Variants in AHNAK2 observed in about 807,000 individuals in gnomAD.
The protein encoded by AHNAK2 is AHNAK nucleoprotein 2.
Under a neutral mutation model 30.7 loss-of-function variants are expected in AHNAK2, and 18 were observed. The observed-to-expected ratio is 0.59, with a 90% CI of 0.41 to 0.87. The LOEUF is 0.87. Ranked by LOEUF, AHNAK2 falls within the 40% of genes least tolerant of loss-of-function variation. The probability of loss-of-function intolerance (pLI) is 0.00; values close to 1 mark genes in which losing one functional copy is unlikely to be tolerated. For missense variants in AHNAK2, 8,604 were observed against 7,373.0 expected (o/e 1.17, Z -6.11); for synonymous variants, 3,590 against 3,073.8 (o/e 1.17, Z -5.56).
chr14:104,960,983 T>C lies in AHNAK2; in HGVS notation c.56-3311A>G, dbSNP rs142683176. Among the ~76,000 whole-genome samples, 1,241 of 151,632 alleles carry C rather than the reference T, an allele frequency of 8.2e-3. 19 individuals carry two copies. The highest frequency in any genetic ancestry group is 0.029 in the African/African-American group (1,187 of 41,302). ...CCCTCTCTACTAAAAATACAAACAT[T>C]AGCTGGGCAGGGTGGTGCACGTCTG... On this transcript the variant is annotated intron_variant, in intron 1 of 6. Coordinates refer to ENST00000333244, the MANE Select transcript of AHNAK2 (RefSeq NM_138420.4).
At position 104,940,121 on chromosome 14, in the gene AHNAK2, C is replaced by T; in HGVS notation, c.15330G>A (p.Lys5110=). The T allele has an allele frequency of 6.2e-7, 1 of 1,613,328 alleles. No homozygotes were observed. The highest frequency in any genetic ancestry group is 8.5e-7 in the Non-Finnish European group (1 of 1,179,894). ...CAGCTTCAGGCTGGCTCACCTCCAC[C>T]TTGGCCTTGGAGGATCTGAGATCAG... ...AKPDLRSSKA[K]VEVSQPEADL... The change falls in exon 7 of 7, where the codon AAG becomes AAA. Residue 5110 remains lysine (K), a synonymous_variant. Transcript: ENST00000333244. The surrounding 1 kb of genome is among the most constrained non-coding windows in gnomAD (Gnocchi z 4.4).
rs751095631 is a variant in AHNAK2, at chr14:104,957,514, G to A, written c.115-6C>T. 22 of 1,595,148 alleles carry A rather than the reference G, an allele frequency of 1.4e-5. No homozygotes were observed. The African/African-American group carries it at 1.7e-4, about 13-fold the overall frequency. ...TCCGCAGGCCCTTCAGTCACCTGAC[G>A]GGAGAGAATCCAGTTATTTTTGCCA... On this transcript the variant is annotated splice_region_variant and splice_polypyrimidine_tract_variant and intron_variant, in intron 2 of 6. Coordinates refer to ENST00000333244, the MANE Select transcript of AHNAK2 (RefSeq NM_138420.4).
chr14:104,956,188 G>A (rs1429356799), intron 4 of AHNAK2, among the ~76,000 whole-genome samples: 1 of 152,204 alleles, frequency 6.6e-6, no homozygotes, highest in East Asian at 1.9e-4. Context: ...TCATCATTGG[G>A]TGCTAGCAGA....
At chr14:104,957,025 G>GC (rs1898996894) in intron 3 of AHNAK2, among the ~76,000 whole-genome samples, 1 of 152,214 alleles carries the variant, frequency 6.6e-6, no homozygotes, top group Admixed American at 6.5e-5. Flanking sequence ...TCATAGACAT[G>GC]CCTCCTCTGA....
chr14:104,971,508 CCAAA>C (rs1566927023), intron 1 of AHNAK2, among the ~76,000 whole-genome samples: 1 of 152,114 alleles, frequency 6.6e-6, no homozygotes, highest in South Asian at 2.1e-4. Context: ...CCTCAGCCTC[CCAAA>C]CTGCTGGGAT....
chr14:104,948,547 C>T lies in AHNAK2; in HGVS notation c.6904G>A (p.Gly2302Arg), dbSNP rs371460494. The T allele has an allele frequency of 4.3e-6, 7 of 1,612,288 alleles. No individual in the cohort carries two copies. The highest frequency in any genetic ancestry group is 5.9e-6 in the Non-Finnish European group (7 of 1,179,708). Reference protein sequence around the residue: ...GAKLDGARLEGDMSLADKDVT... With the variant: ...GAKLDGARLERDMSLADKDVT... ...TCCTTGTCGGCCAGGGACATGTCCC[C>T]CTCCAGCCGCGCACCATCCAGCTTG... Residue 2302 changes from glycine (G) to arginine (R), a missense_variant, in exon 7 of 7, where the codon GGG (glycine) becomes AGG (arginine). Transcript: ENST00000333244.
Position 104,954,303 on chromosome 14 carries a change from T to G in AHNAK2, c.1148A>C (p.Gln383Pro). The G allele has an allele frequency of 1.2e-6, 2 of 1,613,622 alleles. No homozygotes were observed. Among genetic ancestry groups the G allele is most frequent in the Non-Finnish European group, 1.7e-6 (2 of 1,179,896 alleles). ...TGSRREERAE[Q>P]DREVMPAQSM... is the part of the protein sequence containing the mutation. ...CTGAGCAGGCATCACTTCTCGATCC[T>G]GTTCTGCCCTCTCCTCTCTCCTGCT... The change falls in exon 7 of 7, where the codon CAG becomes CCG. Residue 383 changes from glutamine to proline, a missense_variant. Physicochemically the swap from Gln to Pro is moderately conservative, Grantham distance 76. Transcript: ENST00000333244. The surrounding 1 kb of genome is among the most constrained non-coding windows in gnomAD (Gnocchi z 4.3).
Position 104,939,129 on chromosome 14 carries a change from GCACCTGCCTTCA to G in AHNAK2, c.16310_16321del (p.Leu5437_Ala5441delinsPro). On this transcript the variant is annotated inframe_deletion, in exon 7 of 7. Transcript: ENST00000333244. Reference sequence around the variant, plus strand: ...CACAGGCTGCTCCCCAGGGACCCCAGCACCTGCCTTCAGGATGCTGGCTCCCCAGAGCCCCGG... The same window carrying G: ...CACAGGCTGCTCCCCAGGGACCCCAGGGATGCTGGCTCCCCAGAGCCCCGG... The G allele has an allele frequency of 6.2e-7, 1 of 1,609,610 alleles. No individual in the cohort carries two copies. The highest frequency in any genetic ancestry group is 8.5e-7 in the Non-Finnish European group (1 of 1,178,200).
rs1299694410 is a variant in AHNAK2 at position 104,948,444 on chromosome 14, G to A, written c.7007C>T (p.Ser2336Phe). 1 of 1,610,890 alleles carries A rather than the reference G, an allele frequency of 6.2e-7. No individual in the cohort carries two copies. The highest frequency in any genetic ancestry group is 1.7e-5 in the Admixed American group (1 of 59,838). Reference protein sequence around the residue: ...LSFGVSALGKSIEASADVSAL... With the variant: ...LSFGVSALGKFIEASADVSAL... ...AGACACATCCGCTGAGGCCTCGATG[G>A]ACTTGCCAAGGGCAGACACCCCAAA... The change falls in exon 7 of 7, where the codon TCC (serine) becomes TTC (phenylalanine). Residue 2336 changes from serine to phenylalanine, a missense_variant. By Grantham distance (155) the Ser-to-Phe change is radical. Coordinates refer to ENST00000333244, the MANE Select transcript of AHNAK2 (RefSeq NM_138420.4).
rs768158999 is a variant in AHNAK2, at chr14:104,948,850, G to A, written c.6601C>T (p.Leu2201Phe). 2 of 1,611,912 alleles carry A rather than the reference G, an allele frequency of 1.2e-6. No individual in the cohort carries two copies. Among genetic ancestry groups the A allele is most frequent in the South Asian group, 2.2e-5 (2 of 90,954 alleles). Reference protein sequence around the residue: ...SMQGDLKTTDLSIQPLSADVK... With the variant: ...SMQGDLKTTDFSIQPLSADVK... ...TCGGCGGAAAGGGGCTGAATGCTGA[G>A]GTCAGTGGTCTTGAGGTCCCCCTGC... Residue 2201 changes from leucine to phenylalanine, a missense_variant, in exon 7 of 7, where the codon CTC (leucine) becomes TTC (phenylalanine). Transcript: ENST00000333244.
rs777241776 is a variant in AHNAK2 at position 104,945,200 on chromosome 14, C to T, written c.10251G>A (p.Lys3417=). The T allele has an allele frequency of 6.2e-7, 1 of 1,613,246 alleles. No homozygotes were observed. Among genetic ancestry groups the T allele is most frequent in the East Asian group, 2.2e-5 (1 of 44,774 alleles). ...CCGCCTTGGGGACTTTTAGGTCCAG[C>T]TTGGGGCCCTTGATGTCCACCTGGG... ...KSPQVDIKGP[K]LDLKVPKAEV... is the part of the protein sequence containing the mutation. Residue 3417 remains lysine (K), a synonymous_variant, in exon 7 of 7, where the codon AAG becomes AAA. Transcript: ENST00000333244.
At position 104,953,536 on chromosome 14, in the gene AHNAK2, T is replaced by C. The variant is rs1319343856; in HGVS notation, c.1915A>G (p.Ser639Gly). 1 of 1,614,054 alleles carries C rather than the reference T, an allele frequency of 6.2e-7. No homozygotes were observed. Among genetic ancestry groups the C allele is most frequent in the East Asian group, 2.2e-5 (1 of 44,892 alleles). The change falls in exon 7 of 7, where the codon AGT becomes GGT. Residue 639 changes from serine (S) to glycine (G), a missense_variant. Coordinates refer to ENST00000333244, the MANE Select transcript of AHNAK2 (RefSeq NM_138420.4). The stretch of plus-strand genomic sequence containing the variant: ...TTTGTTGTGTTTGTCATTGAGTCAC[T>C]GTCTTCTTTGTCTTTTAATCCTTCC... ...TEEGLKDKEDSDSMTNTTKIQ... is the reference protein window; with the variant it reads ...TEEGLKDKEDGDSMTNTTKIQ...
Position 104,949,857 on chromosome 14 carries a change from TC to T in AHNAK2, c.5593del (p.Asp1865ThrfsTer25). ...AEVSLPSMQG[D>X]LKTTDLCIPL... ...AATGCAGAGGTCCGTGGTCTTGAGGTCCCCCTGCATGGAGGGGAGGCTCACT... is the reference window on the plus strand; with the variant it reads ...AATGCAGAGGTCCGTGGTCTTGAGGTCCCCTGCATGGAGGGGAGGCTCACT... On this transcript the variant is annotated frameshift_variant, in exon 7 of 7. Transcript: ENST00000333244. LOFTEE classifies it low-confidence loss of function (END_TRUNC). 6.3e-7 allele frequency: 1 copy of T among 1,587,062 alleles called. No individual in the cohort carries two copies. The highest frequency in any genetic ancestry group is 2.2e-5 in the East Asian group (1 of 44,696).
Position 104,943,610 on chromosome 14 carries a change from A to C in AHNAK2, c.11841T>G (p.Gly3947=), listed in dbSNP as rs751237480. The change falls in exon 7 of 7, where the codon GGT becomes GGG. Residue 3947 remains glycine (G), a synonymous_variant. Transcript: ENST00000333244. ...GGGACAGGTCCCCCTCCAGCCGCGC[A>C]CCATCCAGCTTGGCTCCTGGGGCCT... ...DVEAPGAKLD[G]ARLEGDLSLA... is the part of the protein sequence containing the mutation. 17 of 1,612,862 alleles carry C rather than the reference A, an allele frequency of 1.1e-5. No individual in the cohort carries two copies. The African/African-American group carries it at 2.3e-4, about 22-fold the overall frequency.
At position 104,948,439 on chromosome 14, in the gene AHNAK2, C is replaced by G. The variant is rs369341222; in HGVS notation, c.7012G>C (p.Glu2338Gln). Reference sequence around the variant, plus strand: ...AACGCAGACACATCCGCTGAGGCCTCGATGGACTTGCCAAGGGCAGACACC... The same window carrying G: ...AACGCAGACACATCCGCTGAGGCCTGGATGGACTTGCCAAGGGCAGACACC... ...FGVSALGKSI[E>Q]ASADVSALKV... Residue 2338 changes from glutamate (E) to glutamine (Q), a missense_variant, in exon 7 of 7, where the codon GAG (glutamate) becomes CAG (glutamine). Glu to Gln is a conservative substitution (Grantham distance 29). Transcript: ENST00000333244. 1.2e-6 allele frequency: 2 copies of G among 1,609,744 alleles called. No individual in the cohort carries two copies. Among genetic ancestry groups the G allele is most frequent in the Admixed American group, 1.7e-5 (1 of 59,776 alleles).
rs754925754 is a variant in AHNAK2, at chr14:104,947,834, G to T, written c.7617C>A (p.Asp2539Glu). ...CCACTTGGCCAGCCTGGACCTCCAGGTCAGCGGAAGGGGGCTGAATGCTGA... is the reference window on the plus strand; with the variant it reads ...CCACTTGGCCAGCCTGGACCTCCAGTTCAGCGGAAGGGGGCTGAATGCTGA... Reference protein sequence around the residue: ...TDLSIQPPSADLEVQAGQVDV... With the variant: ...TDLSIQPPSAELEVQAGQVDV... Residue 2539 changes from aspartate (D) to glutamate (E), a missense_variant, in exon 7 of 7, where the codon GAC becomes GAA. By Grantham distance (45) the Asp-to-Glu change is conservative. Transcript: ENST00000333244. The T allele has an allele frequency of 2.0e-5, 33 of 1,612,258 alleles. No homozygotes were observed. The highest frequency in any genetic ancestry group is 4.4e-5 in the South Asian group (4 of 91,024).
Position 104,941,106 on chromosome 14 carries a change from G to T in AHNAK2, c.14345C>A (p.Ser4782Tyr). The T allele has an allele frequency of 2.5e-6, 4 of 1,613,694 alleles. No homozygotes were observed. The highest frequency in any genetic ancestry group is 3.4e-6 in the Non-Finnish European group (4 of 1,179,894). The stretch of plus-strand genomic sequence containing the variant: ...AACATCCTCACAGGGAGAGAGAATA[G>T]AAGATTCAAAGTGAGGACCAGTGAG... ...LDLTGPHFES[S>Y]ILSPCEDVTL... The change falls in exon 7 of 7, where the codon TCT becomes TAT. Residue 4782 changes from serine to tyrosine, a missense_variant. Transcript: ENST00000333244.
At chr14:104,960,794 C>T (rs1482855441) in intron 1 of AHNAK2, among the ~76,000 whole-genome samples, 1 of 152,310 alleles carries the variant, frequency 6.6e-6, no homozygotes, top group African/African-American at 2.4e-5. Context: ...GGTTTATAAA[C>T]TGTACCTCAA....
Position 104,949,310 on chromosome 14 carries a change from G to A in AHNAK2, c.6141C>T (p.Val2047=), listed in dbSNP as rs537558138. The A allele has an allele frequency of 6.5e-5, 71 of 1,087,348 alleles. 21 individuals carry two copies. In the Admixed American group the frequency reaches 1.1e-3, roughly 17 times the overall value. 67.4% of individuals were successfully genotyped at this position (1,087,348 alleles called of 1,614,324 possible). ...SIQPPSADLK[V]QTGQVDVKLP... Reference sequence around the variant, plus strand: ...GCTTCACATCCACCTGGCCAGTCTGGACCTTCAGGTCGGCAGAAGGGGGCT... The same window carrying A: ...GCTTCACATCCACCTGGCCAGTCTGAACCTTCAGGTCGGCAGAAGGGGGCT... The change falls in exon 7 of 7, where the codon GTC becomes GTT. Residue 2047 remains valine (V), a synonymous_variant. Transcript: ENST00000333244.
Sources: allele counts gnomAD v4.1 joint callset (sites outside exome capture counted in the v4.1 genomes callset), GRCh38; gene constraint gnomAD v4.1.1; non-coding constraint Gnocchi (gnomAD v3.1); transcripts MANE v1.5; gene names NCBI Gene and HGNC (gene_info 2026-07-23, HGNC 2026-07-21).